Variants in BRINP3 observed in about 807,000 individuals in gnomAD.
BRINP3 encodes the protein BMP/retinoic acid inducible neural specific 3, also known as BMP/retinoic acid-inducible neural-specific protein 3.
In BRINP3, 19 loss-of-function variants were observed where a neutral mutation model predicts 71.0. The observed-to-expected ratio is 0.27, with a 90% CI of 0.19 to 0.39. The LOEUF (loss-of-function observed/expected upper bound fraction) is 0.39. BRINP3 is among the 10% of genes least tolerant of loss of function. The pLI, the probability that BRINP3 is intolerant of heterozygous loss-of-function variation, is 1.00. For synonymous variants in BRINP3, 380 were observed against 337.7 expected (o/e 1.13, Z -1.37); for missense variants, 959 against 940.8 (o/e 1.02, Z -0.25).
chr1:190,236,109 G>T (rs1459040610), intron 4 of BRINP3, among the ~76,000 whole-genome samples: 3 of 152,018 alleles, frequency 2.0e-5, no homozygotes, highest in South Asian at 2.1e-4. Context: ...AAAGCCTAAA[G>T]TAAATAGGTA....
At chr1:190,462,782 C>T (rs1490797443) in intron 1 of BRINP3, among the ~76,000 whole-genome samples, 1 of 151,956 alleles carries the variant, frequency 6.6e-6, no homozygotes, top group Non-Finnish European at 1.5e-5. Flanking sequence ...CTACTGTAAC[C>T]TAAAAATAAC....
chr1:190,359,229 C>G (rs911590550), intron 2 of BRINP3, among the ~76,000 whole-genome samples: 2 of 151,832 alleles, frequency 1.3e-5, no homozygotes. Flanking sequence ...AAGAATTTAA[C>G]TTGGGCCAGG....
At chr1:190,408,193 T>C (rs1672421644) in intron 2 of BRINP3, among the ~76,000 whole-genome samples, 1 of 9,178 alleles carries the variant, frequency 1.1e-4, no homozygotes, top group African/African-American at 1.5e-4. Flanking sequence ...GGCTAATTAT[T>C]TATTTATTTA....
At chr1:190,186,786 G>A (rs1653565071) in intron 6 of BRINP3, among the ~76,000 whole-genome samples, 1 of 152,028 alleles carries the variant, frequency 6.6e-6, no homozygotes, top group African/African-American at 2.4e-5. Flanking sequence ...CAGAAGTGGT[G>A]CTTGGTAAAG....
chr1:190,304,679 A>G (rs1213651715), intron 2 of BRINP3, among the ~76,000 whole-genome samples: 1 of 151,958 alleles, frequency 6.6e-6, no homozygotes, highest in African/African-American at 2.4e-5. Flanking sequence ...GCATAGGAAA[A>G]AAGCTCCATG....
chr1:190,156,855 T>C (rs1010360142), intron 7 of BRINP3, among the ~76,000 whole-genome samples: 2 of 152,090 alleles, frequency 1.3e-5, no homozygotes, highest in African/African-American at 4.8e-5. Flanking sequence ...TCTACTTATT[T>C]GTGTTGGACG....
chr1:190,443,550 C>T (rs576141051), intron 2 of BRINP3, among the ~76,000 whole-genome samples: 3 of 152,198 alleles, frequency 2.0e-5, no homozygotes, highest in Non-Finnish European at 4.4e-5. Flanking sequence ...CTCTGGCAAA[C>T]TGGGGTATTC....
At chr1:190,442,883 A>G (rs1674923732) in intron 2 of BRINP3, among the ~76,000 whole-genome samples, 1 of 149,958 alleles carries the variant, frequency 6.7e-6, no homozygotes, top group Admixed American at 6.7e-5. Flanking sequence ...AAATACTTTC[A>G]AATATTGTGG....
At position 190,098,631 on chromosome 1, in the gene BRINP3, C is replaced by T. The variant is rs1235367857; in HGVS notation, c.1688G>A (p.Ser563Asn). ...AACAGCCAACACTGGCTCCAAGGTG[C>T]TGTTTTTAGTTAAGCAAATCTGTAA... Reference protein sequence around the residue: ...LSLQICLTKNSTLEPVLAVYV... With the variant: ...LSLQICLTKNNTLEPVLAVYV... The change falls in exon 8 of 8, where the codon AGC (serine) becomes AAC (asparagine). Residue 563 changes from serine to asparagine, a missense_variant. Coordinates refer to ENST00000367462, the MANE Select transcript of BRINP3 (RefSeq NM_199051.3). The T allele has an allele frequency of 3.1e-6, 5 of 1,613,994 alleles. No homozygotes were observed. In the Admixed American group the frequency reaches 8.3e-5, roughly 27 times the overall value.
At chr1:190,413,245 A>G (rs1328010047) in intron 2 of BRINP3, among the ~76,000 whole-genome samples, 1 of 152,158 alleles carries the variant, frequency 6.6e-6, no homozygotes, top group Non-Finnish European at 1.5e-5. Context: ...TATTAACTAA[A>G]AATTAAAAGT....
chr1:190,398,860 T>G (rs1286201182), intron 2 of BRINP3, among the ~76,000 whole-genome samples: 14 of 152,032 alleles, frequency 9.2e-5, no homozygotes, highest in Admixed American at 9.2e-4. Context: ...CCTTTTTACT[T>G]AGTTAAAAAT....
At chr1:190,107,219 A>G (rs1181905204) in intron 7 of BRINP3, among the ~76,000 whole-genome samples, 3 of 151,940 alleles carry the variant, frequency 2.0e-5, no homozygotes, top group African/African-American at 7.2e-5. Context: ...AAGCCTTTAC[A>G]TTCTGACAAC....
intron 2 of BRINP3, among the ~76,000 whole-genome samples, chr1:190,327,761 C>T (rs504631): frequency 0.4 from 61,051 of 151,710 alleles, 13,148 homozygotes; most frequent in Non-Finnish European, 0.49. Context: ...ACAAACAAAA[C>T]AATGTTTGCT....
intron 4 of BRINP3, among the ~76,000 whole-genome samples, chr1:190,239,647 T>C (rs1216301805): frequency 6.6e-6 from 1 of 152,134 alleles, no homozygotes; most frequent in African/African-American, 2.4e-5. Context: ...GTTACTAATA[T>C]TTGCTAACAA....
chr1:190,467,277 A>G (rs1432231322), intron 1 of BRINP3, among the ~76,000 whole-genome samples: 2 of 151,752 alleles, frequency 1.3e-5, no homozygotes, highest in Admixed American at 6.6e-5. Context: ...TAAGCATCTT[A>G]TGAGCAATGA....
intron 7 of BRINP3, among the ~76,000 whole-genome samples, chr1:190,148,918 A>G (rs1373345128): frequency 6.6e-6 from 1 of 152,206 alleles, no homozygotes; most frequent in Non-Finnish European, 1.5e-5. Context: ...AACCTGAGAA[A>G]TAACATGGTA....
chr1:190,444,726 G>A (rs1343501930), intron 2 of BRINP3, among the ~76,000 whole-genome samples: 1 of 151,962 alleles, frequency 6.6e-6, no homozygotes, highest in African/African-American at 2.4e-5. Context: ...AGCAGAGACG[G>A]GGTTTCACCA....
In BRINP3 at chr1:190,222,752, G is replaced by A. The variant is rs187944666; in HGVS notation, c.961+3330C>T. On this transcript the variant is annotated intron_variant, in intron 6 of 7. Transcript: ENST00000367462. ...TAAGATCAATGATAGAAAAAGTTGGGTTTTTGAAAAGATAATCAAAACTGA... is the reference window on the plus strand; with the variant it reads ...TAAGATCAATGATAGAAAAAGTTGGATTTTTGAAAAGATAATCAAAACTGA... Among the ~76,000 whole-genome samples, 830 of 151,534 alleles carry A rather than the reference G, an allele frequency of 5.5e-3. 6 individuals carry two copies. The highest frequency in any genetic ancestry group is 0.018 in the African/African-American group (757 of 41,444).
intron 2 of BRINP3, among the ~76,000 whole-genome samples, chr1:190,332,555 C>T (rs926501399): frequency 6.6e-6 from 1 of 152,004 alleles, no homozygotes; most frequent in African/African-American, 2.4e-5. Flanking sequence ...AGAACTCAGG[C>T]GTGTCTACCG....
Sources: allele counts gnomAD v4.1 joint callset (sites outside exome capture counted in the v4.1 genomes callset), GRCh38; gene constraint gnomAD v4.1.1; transcripts MANE v1.5; gene names NCBI Gene and HGNC (gene_info 2026-07-23, HGNC 2026-07-21).